Variants in FCHO2 observed in about 807,000 individuals in gnomAD.
FCHO2 encodes the protein FCH and mu domain containing endocytic adaptor 2.
FCHO2 carries 43 observed loss-of-function variants against 114.1 expected under a neutral mutation model. The observed-to-expected ratio is 0.38, with a 90% CI of 0.30 to 0.49. FCHO2 has a LOEUF of 0.49. FCHO2 is among the 20% of genes least tolerant of loss of function. FCHO2 has a pLI of 0.97. For synonymous variants in FCHO2, 293 were observed against 315.2 expected (o/e 0.93, Z 0.75); for missense variants, 807 against 950.4 (o/e 0.85, Z 1.98).
intron 23 of FCHO2, 128 bp from the exon 24 acceptor site, chr5:73,082,633 A>G: frequency 1.4e-6 from 1 of 728,446 alleles, no homozygotes; most frequent in Non-Finnish European, 2.3e-6. Context: ...ACCAGTTAAT[A>G]CTACTTAAAC....
At chr5:73,041,050 A>C (rs569628977) in intron 10 of FCHO2, among the ~76,000 whole-genome samples, 1 of 152,232 alleles carries the variant, frequency 6.6e-6, no homozygotes, top group South Asian at 2.1e-4. Flanking sequence ...AGCTGTTAGA[A>C]AAAAAGGAAT....
chr5:72,978,536 C>T (rs1009325291), intron 2 of FCHO2, among the ~76,000 whole-genome samples: 2 of 152,120 alleles, frequency 1.3e-5, no homozygotes, highest in African/African-American at 4.8e-5. Flanking sequence ...TCTAAATATA[C>T]AATCATGTCA....
intron 5 of FCHO2, chr5:72,996,993 C>T: frequency 6.2e-7 from 1 of 1,603,100 alleles, no homozygotes; most frequent in Non-Finnish European, 8.5e-7. Flanking sequence ...AGCTTCTCCG[C>T]CCTTTTGCGG....
At chr5:72,974,829 C>T (rs1035760448) in intron 2 of FCHO2, among the ~76,000 whole-genome samples, 1 of 152,160 alleles carries the variant, frequency 6.6e-6, no homozygotes, top group Non-Finnish European at 1.5e-5. Flanking sequence ...CATGATTTTG[C>T]AGCGGCTGGT....
intron 8 of FCHO2, among the ~76,000 whole-genome samples, chr5:73,026,522 A>G (rs2112773949): frequency 6.6e-6 from 1 of 152,300 alleles, no homozygotes; most frequent in East Asian, 1.9e-4. Flanking sequence ...ATGCTGCAAA[A>G]TGACACCAAT....
intron 8 of FCHO2, among the ~76,000 whole-genome samples, chr5:73,025,911 C>T (rs1755891349): frequency 6.6e-6 from 1 of 152,138 alleles, no homozygotes; most frequent in Non-Finnish European, 1.5e-5. Flanking sequence ...TGTAAGGAGC[C>T]CCTCTGGCGG....
intron 9 of FCHO2, among the ~76,000 whole-genome samples, chr5:73,035,295 T>C (rs1756443414): frequency 6.6e-6 from 1 of 152,050 alleles, no homozygotes; most frequent in African/African-American, 2.4e-5. Flanking sequence ...GGTGTGCACC[T>C]GTAGTCCCAG....
chr5:72,976,773 GC>G (rs1169080220), intron 2 of FCHO2, among the ~76,000 whole-genome samples: 1 of 27,056 alleles, frequency 3.7e-5, no homozygotes, highest in Non-Finnish European at 7.2e-5. Context: ...CCCTCCCCCA[GC>G]CCCCCAGCCC....
intron 11 of FCHO2, among the ~76,000 whole-genome samples, chr5:73,042,274 C>G (rs1340111931): frequency 6.6e-6 from 1 of 152,096 alleles, no homozygotes; most frequent in Non-Finnish European, 1.5e-5. Flanking sequence ...CTTGGTTACT[C>G]TGTTTGATAC....
chr5:73,031,978 A>G (rs181934425), intron 8 of FCHO2, among the ~76,000 whole-genome samples: 1 of 152,286 alleles, frequency 6.6e-6, no homozygotes, highest in East Asian at 1.9e-4. Flanking sequence ...AGTACTGTCA[A>G]AAAAAATAAC....
At chr5:72,987,636 CTGATTAGGGA>C (rs1181572075) in intron 2 of FCHO2, among the ~76,000 whole-genome samples, 17 of 152,294 alleles carry the variant, frequency 1.1e-4, no homozygotes, top group African/African-American at 3.8e-4. Flanking sequence ...CCGTGCCTGG[CTGATTAGGGA>C]TGTTTAATCT....
chr5:73,008,553 T>C (rs1395062698), intron 6 of FCHO2, among the ~76,000 whole-genome samples: 1 of 152,156 alleles, frequency 6.6e-6, no homozygotes, highest in Non-Finnish European at 1.5e-5. Context: ...AACATGTTAA[T>C]TTTAAGACGC....
Position 73,063,852 on chromosome 5 carries a change from A to T in FCHO2, c.1357A>T (p.Thr453Ser), listed in dbSNP as rs375969109. 1 of 1,611,418 alleles carries T rather than the reference A, an allele frequency of 6.2e-7. No homozygotes were observed. The highest frequency in any genetic ancestry group is 1.7e-5 in the Admixed American group (1 of 59,728). Residue 453 changes from threonine to serine, a missense_variant, in exon 18 of 26, where the codon ACT becomes TCT. Coordinates refer to ENST00000430046, the MANE Select transcript of FCHO2 (RefSeq NM_138782.3). ...TCCCCCTCAACCAGCCAGGCCCACA[A>T]CTCCTCTTTCTGTAGGCACCATTGT... ...LTSSSSARPTTPLSVGTIVPP... is the reference protein window; with the variant it reads ...LTSSSSARPTSPLSVGTIVPP...
At chr5:72,990,887 A>G in intron 5 of FCHO2, 23 bp downstream of exon 5, 4 of 1,526,532 alleles carry the variant, frequency 2.6e-6, no homozygotes, top group South Asian at 2.5e-5. Flanking sequence ...AAAATTACAT[A>G]TCTGTGGTTT....
At chr5:72,976,298 C>T (rs59952445) in intron 2 of FCHO2, among the ~76,000 whole-genome samples, 13,754 of 152,042 alleles carry the variant, frequency 0.09, 853 homozygotes, top group Non-Finnish European at 0.14. Context: ...AGGCTAGTCT[C>T]GAACTCCTGG....
At chr5:73,062,778 C>T (rs902607945) in intron 17 of FCHO2, among the ~76,000 whole-genome samples, 18 of 152,022 alleles carry the variant, frequency 1.2e-4, no homozygotes, top group Admixed American at 1.1e-3. Context: ...CCTACTACCT[C>T]TATGCACCTT....
chr5:73,071,329 A>G (rs1237235988), intron 19 of FCHO2, among the ~76,000 whole-genome samples: 2 of 152,026 alleles, frequency 1.3e-5, no homozygotes, highest in Admixed American at 1.3e-4. Context: ...TAAAAAAAAA[A>G]CCTCTAATAC....
intron 6 of FCHO2, among the ~76,000 whole-genome samples, chr5:73,013,237 G>GA (rs1755115829): frequency 6.6e-6 from 1 of 151,350 alleles, no homozygotes; most frequent in African/African-American, 2.4e-5. Flanking sequence ...CAATACTGCC[G>GA]AAACTGTAAT....
At chr5:73,034,780 ACTGC>A in intron 9 of FCHO2, 79 bp downstream of exon 9, 2 of 1,186,788 alleles carry the variant, frequency 1.7e-6, no homozygotes, top group Non-Finnish European at 2.4e-6. Flanking sequence ...ATAAGGAGGG[ACTGC>A]TATCCCTAGG....
Sources: allele counts gnomAD v4.1 joint callset (sites outside exome capture counted in the v4.1 genomes callset), GRCh38; gene constraint gnomAD v4.1.1; transcripts MANE v1.5; gene names NCBI Gene and HGNC (gene_info 2026-07-23, HGNC 2026-07-21).